Variants in SNORC observed in about 807,000 individuals in gnomAD.
The protein encoded by SNORC is secondary ossification center associated regulator of chondrocyte maturation.
SNORC carries 11 observed loss-of-function variants against 9.7 expected under a neutral mutation model. That is an observed-to-expected ratio of 1.14 (90% CI 0.72 to 1.88). The LOEUF (loss-of-function observed/expected upper bound fraction) is 1.88, where lower values mean the gene tolerates loss of function less well. Among genes scored for constraint, SNORC ranks in the 40% most tolerant of loss-of-function variants. The probability of loss-of-function intolerance (pLI) is 0.00; values close to 1 mark genes in which losing one functional copy is unlikely to be tolerated. For missense variants in SNORC, 197 were observed against 173.1 expected (o/e 1.14, Z -0.77); for synonymous variants, 108 against 88.7 (o/e 1.22, Z -1.22).
At chr2:232,875,150 G>C (rs1691174542) in intron 1 of SNORC, among the ~76,000 whole-genome samples, 1 of 152,186 alleles carries the variant, frequency 6.6e-6, no homozygotes. Context: ...AATCAGCCTG[G>C]CCAACATGGC....
chr2:232,878,404 T>TC (rs1691359159), downstream of SNORC: 2 of 158,648 alleles, frequency 1.3e-5, no homozygotes, highest in South Asian at 4.1e-4. Flanking sequence ...CATGGACACT[T>TC]CGGGGCCTCT....
chr2:232,876,146 G>T lies in SNORC; in HGVS notation c.256+24G>T, dbSNP rs1359863324. The stretch of plus-strand genomic sequence containing the variant: ...CGGTACGGGCGGGGCGGGGGAGGGA[G>T]GGGAGAGGGAGAAATTAGGAGGGGC... On this transcript the variant is annotated intron_variant, in intron 2 of 2. Transcript: ENST00000331342. This position sits in a 1 kb window ranked among gnomAD's most constrained non-coding sequence, Gnocchi z 6.8. The T allele has an allele frequency of 6.8e-7, 1 of 1,471,214 alleles. No homozygotes were observed. The highest frequency in any genetic ancestry group is 9.0e-7 in the Non-Finnish European group (1 of 1,114,792). 91.1% of individuals were successfully genotyped at this position (1,471,214 alleles called of 1,614,324 possible). A position where few individuals can be genotyped will look rare whatever the true frequency, so the allele number is the denominator to read the frequency against.
At chr2:232,872,687 C>T (rs1009687970) in intron 1 of SNORC, among the ~76,000 whole-genome samples, 5 of 152,174 alleles carry the variant, frequency 3.3e-5, no homozygotes, top group Admixed American at 6.5e-5. Context: ...CCGTGAGTTC[C>T]GTCCTCCACA....
In SNORC at chr2:232,876,038, C is replaced by CCCGTGGACA. The variant is rs1559182772; in HGVS notation, c.176_184dup (p.Val59_Thr61dup). The CCCGTGGACA allele has an allele frequency of 6.5e-7, 1 of 1,543,034 alleles. No homozygotes were observed. Among genetic ancestry groups the CCCGTGGACA allele is most frequent in the African/African-American group, 1.4e-5 (1 of 73,044 alleles). ...GGAGAGCACCAGCCCCGGCCGGGAG[C>CCCGTGGACA]CCGTGGACACCGGTCCCCCAGCCCC... On this transcript the variant is annotated inframe_insertion, in exon 2 of 3. Transcript: ENST00000331342. This position sits in a 1 kb window ranked among gnomAD's most constrained non-coding sequence, Gnocchi z 6.8.
intron 1 of SNORC, among the ~76,000 whole-genome samples, chr2:232,874,371 G>T (rs973793941): frequency 3.9e-5 from 6 of 152,326 alleles, no homozygotes; most frequent in African/African-American, 1.4e-4. Context: ...CACTGAGGCA[G>T]TCCTAAGCCA....
At chr2:232,874,679 A>AG (rs1261722185) in intron 1 of SNORC, among the ~76,000 whole-genome samples, 1 of 152,138 alleles carries the variant, frequency 6.6e-6, no homozygotes, top group Admixed American at 6.5e-5. Flanking sequence ...ACCTATGAGG[A>AG]GGGCAAGTGT....
upstream of SNORC, among the ~76,000 whole-genome samples, chr2:232,867,013 G>A (rs1330858118): frequency 5.3e-5 from 8 of 152,132 alleles, no homozygotes; most frequent in South Asian, 2.1e-4. Flanking sequence ...GGCTGGTCTC[G>A]AACTCGTTAC....
upstream of SNORC, among the ~76,000 whole-genome samples, chr2:232,868,065 C>T (rs1017520575): frequency 6.6e-6 from 1 of 151,674 alleles, no homozygotes; most frequent in Admixed American, 6.6e-5. Flanking sequence ...CTCACCTGTT[C>T]ATTTTTGTAT....
In SNORC at chr2:232,876,010, C is replaced by G. The variant is rs765843820; in HGVS notation, c.144C>G (p.Pro48=). Residue 48 remains proline (P), a synonymous_variant, in exon 2 of 3, where the codon CCC becomes CCG. Transcript: ENST00000331342. The surrounding 1 kb of genome is among the most constrained non-coding windows in gnomAD (Gnocchi z 6.8). ...CCGAGCTGCCGTCGGGAGAAGGCCCCGTGGAGAGCACCAGCCCCGGCCGGG... is the reference window on the plus strand; with the variant it reads ...CCGAGCTGCCGTCGGGAGAAGGCCCGGTGGAGAGCACCAGCCCCGGCCGGG... 4 of 1,552,170 alleles carry G rather than the reference C, an allele frequency of 2.6e-6. No individual in the cohort carries two copies. Among genetic ancestry groups the G allele is most frequent in the African/African-American group, 1.4e-5 (1 of 73,606 alleles).
upstream of SNORC, among the ~76,000 whole-genome samples, chr2:232,866,946 C>G (rs1048357299): frequency 6.6e-6 from 1 of 152,116 alleles, no homozygotes; most frequent in African/African-American, 2.4e-5. Flanking sequence ...TTAGTAGAGA[C>G]AGGGTTTCAC....
chr2:232,877,317 G>C (rs1691310504), downstream of SNORC: 15 of 985,348 alleles, frequency 1.5e-5, no homozygotes, highest in Non-Finnish European at 1.8e-5. Context: ...TGAGGGTGAG[G>C]AGCCTGGTCC....
At chr2:232,870,341 GATGGCATCCTGTCTGGCCCTGCGC>G in exon 1 of SNORC, 1 of 1,558,250 alleles carries the variant, frequency 6.4e-7, no homozygotes, top group Non-Finnish European at 8.7e-7. Flanking sequence ...TCCCGGCCAG[GATGGCATCCTGTCTGGCCCTGCGC>G]ATGGCGCTGC....
chr2:232,872,607 C>G (rs2106190603), intron 1 of SNORC, among the ~76,000 whole-genome samples: 1 of 152,284 alleles, frequency 6.6e-6, no homozygotes, highest in Middle Eastern at 3.4e-3. Flanking sequence ...TCTTGGGGTC[C>G]TCCGTGCCCC....
chr2:232,868,328 C>T (rs1014865247), upstream of SNORC, among the ~76,000 whole-genome samples: 1 of 152,092 alleles, frequency 6.6e-6, no homozygotes. Context: ...AACTCCTGAC[C>T]TCAAGTGATC....
chr2:232,868,469 A>G (rs1371969589), upstream of SNORC, among the ~76,000 whole-genome samples: 1 of 152,132 alleles, frequency 6.6e-6, no homozygotes, highest in East Asian at 1.9e-4. Context: ...GGCCTCTGCT[A>G]CTTTAGAATC....
chr2:232,876,629 G>A, downstream of SNORC: 1 of 1,047,490 alleles, frequency 9.5e-7, no homozygotes, highest in Non-Finnish European at 1.1e-6. The surrounding 1 kb of genome is among the most constrained non-coding windows in gnomAD (Gnocchi z 6.8). Context: ...GCACCTGAGC[G>A]CGCGCAGGGC....
chr2:232,875,499 T>G, intron 1 of SNORC: 1 of 432,946 alleles, frequency 2.3e-6, no homozygotes. Context: ...TTGCCGGGGA[T>G]GGATGGCCCA....
intron 1 of SNORC, among the ~76,000 whole-genome samples, chr2:232,871,454 C>G (rs554045880): frequency 6.6e-6 from 1 of 152,222 alleles, no homozygotes; most frequent in Non-Finnish European, 1.5e-5. Flanking sequence ...CAGCCACGCT[C>G]TGCCTCACTT....
intron 1 of SNORC, among the ~76,000 whole-genome samples, chr2:232,871,497 G>T (rs558986644): frequency 6.6e-6 from 1 of 152,192 alleles, no homozygotes; most frequent in East Asian, 1.9e-4. Context: ...GAGTTCAGAC[G>T]TGCGGAGCTT....
Sources: gnomAD v4.1 joint callset for allele counts (sites outside exome capture counted in the v4.1 genomes callset) on GRCh38, gnomAD v4.1.1 for gene constraint, Gnocchi (gnomAD v3.1) non-coding constraint, MANE v1.5 for transcripts, NCBI Gene and HGNC (gene_info 2026-07-23, HGNC 2026-07-21) for gene names.